COL24A1: variants seen among roughly 807,000 people sequenced by gnomAD.
COL24A1 encodes the protein collagen alpha-1(XXIV) chain.
Under a neutral mutation model 253.9 loss-of-function variants are expected in COL24A1, and 224 were observed. The observed-to-expected ratio is 0.88, with a 90% confidence interval of 0.79 to 0.99. The LOEUF is 0.99. Among genes scored for constraint, COL24A1 ranks in the 50% least tolerant of loss-of-function variants. The pLI is 0.00. For synonymous variants in COL24A1, 685 were observed against 673.7 expected (o/e 1.02, Z -0.26); for missense variants, 2,131 against 2,068.5 (o/e 1.03, Z -0.59).
intron 37 of COL24A1, among the ~76,000 whole-genome samples, chr1:85,851,562 A>G (rs561898702): frequency 2.8e-4 from 43 of 152,266 alleles, no homozygotes; most frequent in African/African-American, 9.9e-4. Context: ...TACATCCTCA[A>G]TGGCAATGTT....
At chr1:85,939,393 C>T (rs1688527175) in intron 24 of COL24A1, among the ~76,000 whole-genome samples, 1 of 152,110 alleles carries the variant, frequency 6.6e-6, no homozygotes. Flanking sequence ...TTAGGAAACA[C>T]AGAATGTTTT....
At chr1:85,827,259 C>T (rs1359158561) in intron 43 of COL24A1, among the ~76,000 whole-genome samples, 1 of 151,650 alleles carries the variant, frequency 6.6e-6, no homozygotes, top group African/African-American at 2.4e-5. Flanking sequence ...ACCAGCCTTG[C>T]ATCCCAGGGA....
At chr1:86,083,167 G>A (rs7524738) in intron 7 of COL24A1, among the ~76,000 whole-genome samples, 3 of 151,512 alleles carry the variant, frequency 2.0e-5, no homozygotes, top group African/African-American at 7.3e-5. Context: ...GGGTGGTGGC[G>A]GGCGCCTGTA....
chr1:85,770,168 C>T (rs147684797), intron 53 of COL24A1, among the ~76,000 whole-genome samples: 12 of 152,260 alleles, frequency 7.9e-5, no homozygotes, highest in East Asian at 7.7e-4. Flanking sequence ...GTGAGGATCA[C>T]ATTTCTACAA....
At chr1:86,105,934 TTC>T (rs751892153) in intron 5 of COL24A1, among the ~76,000 whole-genome samples, 5 of 152,158 alleles carry the variant, frequency 3.3e-5, no homozygotes, top group Non-Finnish European at 7.4e-5. Context: ...TCAGCCCAGC[TTC>T]TGTGTCTTCC....
At position 85,816,910 on chromosome 1, in the gene COL24A1, AT is replaced by A; in HGVS notation, c.3844-16del. On this transcript the variant is annotated splice_polypyrimidine_tract_variant and intron_variant, in intron 46 of 59. Transcript: ENST00000370571. The stretch of plus-strand genomic sequence containing the variant: ...CCTTGAAGTCCCTTGATAATTAAAA[AT>A]TATTTGGATTGTAGAGATGCTGAAA... The A allele has an allele frequency of 6.4e-7, 1 of 1,561,032 alleles. No homozygotes were observed. Among genetic ancestry groups the A allele is most frequent in the Non-Finnish European group, 8.8e-7 (1 of 1,132,226 alleles).
chr1:86,148,383 T>C (rs1276182387), intron 1 of COL24A1, among the ~76,000 whole-genome samples: 2 of 151,982 alleles, frequency 1.3e-5, no homozygotes, highest in African/African-American at 4.8e-5. Flanking sequence ...AGTTTTAGGG[T>C]ACAAGTGCAC....
At chr1:85,941,144 A>G (rs935184135) in intron 24 of COL24A1, among the ~76,000 whole-genome samples, 1 of 152,160 alleles carries the variant, frequency 6.6e-6, no homozygotes, top group Admixed American at 6.5e-5. Context: ...ACTAGCAGGA[A>G]TGTTAAGAGA....
At chr1:85,855,206 T>C (rs1031733817) in intron 37 of COL24A1, among the ~76,000 whole-genome samples, 9 of 152,152 alleles carry the variant, frequency 5.9e-5, no homozygotes, top group Non-Finnish European at 1.3e-4. Flanking sequence ...TCTTTTCCTA[T>C]TTGGATGCCT....
intron 7 of COL24A1, among the ~76,000 whole-genome samples, chr1:86,076,193 A>G (rs902930635): frequency 7.9e-5 from 12 of 152,300 alleles, no homozygotes; most frequent in Admixed American, 5.2e-4. Flanking sequence ...AGCTTCAGCA[A>G]AGTCTCAGGA....
At chr1:85,925,402 A>G (rs1021889856) in intron 24 of COL24A1, among the ~76,000 whole-genome samples, 3 of 152,206 alleles carry the variant, frequency 2.0e-5, no homozygotes, top group Non-Finnish European at 4.4e-5. Context: ...TGGAGGCATC[A>G]CACTACCTGA....
chr1:85,964,099 C>G (rs1268223137), intron 23 of COL24A1, among the ~76,000 whole-genome samples: 3 of 152,034 alleles, frequency 2.0e-5, no homozygotes, highest in Non-Finnish European at 2.9e-5. Context: ...TAGGTTCCAG[C>G]ATCATAAAAA....
At chr1:85,788,909 C>T (rs931110417) in intron 47 of COL24A1, among the ~76,000 whole-genome samples, 2 of 151,988 alleles carry the variant, frequency 1.3e-5, no homozygotes, top group Non-Finnish European at 2.9e-5. Context: ...TATTCTGGTC[C>T]GTTGGTCTAT....
chr1:85,768,772 A>G (rs1480249479), intron 53 of COL24A1, among the ~76,000 whole-genome samples: 1 of 152,126 alleles, frequency 6.6e-6, no homozygotes, highest in Non-Finnish European at 1.5e-5. Context: ...CTTTTTGTGT[A>G]GTTTTCATTA....
intron 35 of COL24A1, among the ~76,000 whole-genome samples, chr1:85,870,645 CCA>C (rs1445687644): frequency 1.3e-5 from 2 of 152,148 alleles, no homozygotes; most frequent in Non-Finnish European, 2.9e-5. Context: ...TTCTTTGAAA[CCA>C]ATGAGAACAA....
intron 46 of COL24A1, 37 bp downstream of exon 46, chr1:85,817,997 A>C (rs1570741029): frequency 6.3e-7 from 1 of 1,586,758 alleles, no homozygotes; most frequent in South Asian, 1.1e-5. Context: ...AGTTCCATTT[A>C]GAAAAGCAAG....
At chr1:86,078,765 A>G (rs1326831863) in intron 7 of COL24A1, among the ~76,000 whole-genome samples, 1 of 152,174 alleles carries the variant, frequency 6.6e-6, no homozygotes, top group Admixed American at 6.5e-5. Flanking sequence ...AAAGATCTCT[A>G]TAATAAAAAC....
intron 43 of COL24A1, among the ~76,000 whole-genome samples, chr1:85,834,921 T>C (rs1429106333): frequency 4.6e-5 from 7 of 152,180 alleles, no homozygotes. Flanking sequence ...TAACATGAAA[T>C]AGCTGTACAT....
At chr1:86,134,601 T>A (rs76004098) in intron 2 of COL24A1, among the ~76,000 whole-genome samples, 20,281 of 151,022 alleles carry the variant, frequency 0.13, 1,526 homozygotes, top group East Asian at 0.29. Flanking sequence ...TTCATTTCGG[T>A]ATGTACCCAG....
Sources: allele counts gnomAD v4.1 joint callset (sites outside exome capture counted in the v4.1 genomes callset), GRCh38; gene constraint gnomAD v4.1.1; transcripts MANE v1.5; gene names NCBI Gene and HGNC (gene_info 2026-07-23, HGNC 2026-07-21).